PDK1: variants seen among roughly 807,000 people sequenced by gnomAD.
The protein encoded by PDK1 is [Pyruvate dehydrogenase (acetyl-transferring)] kinase isozyme 1, mitochondrial.
A neutral mutation model predicts 54.2 loss-of-function variants in PDK1; 39 were observed. The observed-to-expected ratio is 0.72, with a 90% CI of 0.56 to 0.94. The LOEUF (loss-of-function observed/expected upper bound fraction) is 0.94, where lower values mean the gene tolerates loss of function less well. Among genes scored for constraint, PDK1 ranks in the 40% least tolerant of loss-of-function variants. The pLI is 0.00. For synonymous variants in PDK1, 221 were observed against 207.1 expected, an observed-to-expected ratio of 1.07 and a Z score of -0.58; for missense variants, 552 against 566.0, an observed-to-expected ratio of 0.98 and a Z score of 0.25.
chr2:172,695,441 C>G, the PDK1 span, among the ~76,000 whole-genome samples: 4 of 152,154 alleles, frequency 2.6e-5, no homozygotes, highest in Non-Finnish European at 4.4e-5. Context: ...TCCCACTTAG[C>G]AGAAGGGGAA....
the PDK1 span, among the ~76,000 whole-genome samples, chr2:172,660,816 G>T: frequency 6.6e-6 from 1 of 151,932 alleles, no homozygotes; most frequent in Admixed American, 6.6e-5. Flanking sequence ...GTTCTCTTTT[G>T]TTCCATTCCC....
chr2:172,562,568 C>T (rs960778647), intron 3 of PDK1, among the ~76,000 whole-genome samples: 5 of 152,208 alleles, frequency 3.3e-5, no homozygotes, highest in African/African-American at 9.7e-5. Flanking sequence ...GTGCATGCTC[C>T]TTCTAATGGA....
At chr2:172,564,766 A>G (rs1688844747) in intron 4 of PDK1, 79 bp downstream of exon 4, 2 of 1,271,372 alleles carry the variant, frequency 1.6e-6, no homozygotes, top group Non-Finnish European at 2.2e-6. Context: ...GGAAAGTTCC[A>G]TTTAGGTAGG....
At chr2:172,698,715 C>T in the PDK1 span, among the ~76,000 whole-genome samples, 3 of 152,200 alleles carry the variant, frequency 2.0e-5, no homozygotes, top group Non-Finnish European at 4.4e-5. Context: ...CTAGGAACCA[C>T]ACTGAGAACT....
the PDK1 span, among the ~76,000 whole-genome samples, chr2:172,616,598 G>A: frequency 1.3e-5 from 2 of 152,120 alleles, no homozygotes; most frequent in Non-Finnish European, 2.9e-5. Flanking sequence ...AAAGCACATA[G>A]GTGAATGAAT....
the PDK1 span, among the ~76,000 whole-genome samples, chr2:172,638,028 A>C: frequency 6.6e-6 from 1 of 152,112 alleles, no homozygotes; most frequent in East Asian, 1.9e-4. Flanking sequence ...AGTAGGGAGG[A>C]AGCTGATAAA....
At chr2:172,699,562 T>C in the PDK1 span, among the ~76,000 whole-genome samples, 1 of 151,622 alleles carries the variant, frequency 6.6e-6, no homozygotes, top group African/African-American at 2.4e-5. Flanking sequence ...CCACTCAGTC[T>C]CTGTGGGACT....
At chr2:172,609,972 C>G (rs1269468856), downstream of PDK1, among the ~76,000 whole-genome samples, 2 of 152,048 alleles carry the variant, frequency 1.3e-5, no homozygotes, top group African/African-American at 4.8e-5. Context: ...CAAGTGCCTG[C>G]CACCACACCT....
the PDK1 span, among the ~76,000 whole-genome samples, chr2:172,662,761 T>G: frequency 4.6e-5 from 7 of 152,170 alleles, no homozygotes; most frequent in African/African-American, 1.7e-4. Context: ...CATCCTTTTT[T>G]TTCCTTAGGA....
At chr2:172,579,628 A>C (rs1423207685) in intron 8 of PDK1, among the ~76,000 whole-genome samples, 2 of 150,660 alleles carry the variant, frequency 1.3e-5, no homozygotes, top group African/African-American at 4.9e-5. Flanking sequence ...TTGAGAAGAC[A>C]ACGTTTATTA....
the PDK1 span, among the ~76,000 whole-genome samples, chr2:172,699,637 A>G: frequency 1.3e-5 from 2 of 152,174 alleles, no homozygotes; most frequent in East Asian, 3.8e-4. Context: ...CCTGCTGTCT[A>G]GCATAGCACT....
At chr2:172,718,503 A>G in the PDK1 span, among the ~76,000 whole-genome samples, 5 of 152,340 alleles carry the variant, frequency 3.3e-5, no homozygotes, top group African/African-American at 1.2e-4. Context: ...AGAAAAAGTT[A>G]GTTCTTTTAA....
At chr2:172,558,603 C>T (rs1574458208) in intron 1 of PDK1, 105 bp from the exon 2 acceptor site, 1 of 972,930 alleles carries the variant, frequency 1.0e-6, no homozygotes, top group Non-Finnish European at 1.5e-6. Context: ...GTGATTCTAT[C>T]CCTCTGGCCT....
chr2:172,624,422 C>G, the PDK1 span, among the ~76,000 whole-genome samples: 1 of 152,080 alleles, frequency 6.6e-6, no homozygotes, highest in Non-Finnish European at 1.5e-5. Context: ...AGGGTGAACC[C>G]CATTGAGAAC....
At chr2:172,625,060 G>T in the PDK1 span, among the ~76,000 whole-genome samples, 1 of 152,018 alleles carries the variant, frequency 6.6e-6, no homozygotes, top group African/African-American at 2.4e-5. Flanking sequence ...TTGAATCCAG[G>T]GAGAAAACAT....
At chr2:172,670,138 C>T in the PDK1 span, among the ~76,000 whole-genome samples, 993 of 152,288 alleles carry the variant, frequency 6.5e-3, 9 homozygotes, top group African/African-American at 0.022. Context: ...CCGCAGCCTT[C>T]ACCTCCCGGG....
At chr2:172,670,313 A>T in the PDK1 span, among the ~76,000 whole-genome samples, 3 of 152,242 alleles carry the variant, frequency 2.0e-5, no homozygotes, top group Admixed American at 6.5e-5. Flanking sequence ...TGTTGCTCAA[A>T]AGGAACATTT....
the PDK1 span, among the ~76,000 whole-genome samples, chr2:172,713,094 T>C: frequency 0.011 from 1,701 of 152,102 alleles, 24 homozygotes; most frequent in African/African-American, 0.038. Flanking sequence ...AGACCTGGAG[T>C]ACCTGGAGTG....
At chr2:172,587,909 A>G (rs566936122) in intron 9 of PDK1, among the ~76,000 whole-genome samples, 62 of 152,246 alleles carry the variant, frequency 4.1e-4, no homozygotes, top group East Asian at 5.8e-4. Flanking sequence ...AAGAGCGCCA[A>G]TTGGTGCATT....
Sources: gnomAD v4.1 joint callset for allele counts (sites outside exome capture counted in the v4.1 genomes callset) on GRCh38, gnomAD v4.1.1 for gene constraint, MANE v1.5 for transcripts, NCBI Gene and HGNC (gene_info 2026-07-23, HGNC 2026-07-21) for gene names.